SDHD: variants seen among roughly 807,000 people sequenced by gnomAD.
The protein encoded by SDHD is succinate dehydrogenase [ubiquinone] cytochrome b small subunit, mitochondrial.
Under a neutral mutation model 18.7 loss-of-function variants are expected in SDHD, and 6 were observed. The observed-to-expected ratio is 0.32, with a 90% CI of 0.18 to 0.63. The LOEUF is 0.63. Ranked by LOEUF, SDHD falls within the 30% of genes least tolerant of loss-of-function variation. The pLI is 0.79. For synonymous variants in SDHD, 56 were observed against 73.9 expected (o/e 0.76, Z 1.24); for missense variants, 160 against 192.7 (o/e 0.83, Z 1.00).
chr11:112,095,272 A>G lies in SDHD; in HGVS notation c.*302A>G, dbSNP rs201163059. On this transcript the variant is annotated 3_prime_UTR_variant, in exon 4 of 4. Coordinates refer to ENST00000375549, the MANE Select transcript of SDHD (RefSeq NM_003002.4). ...TCAGCTTTTGCCTTTCAATTTATCA[A>G]TCTCTTAAAGAGAATCCAACTTTAT... 1.5e-4 allele frequency: 66 copies of G among 438,014 alleles called. No individual in the cohort carries two copies. The East Asian group carries it at 2.5e-3, about 17-fold the overall frequency. 27.1% of individuals were successfully genotyped at this position (438,014 alleles called of 1,614,324 possible).
rs992322574 is a variant in SDHD, at chr11:112,095,642, A to C, written c.*672A>C. 8.8e-6 allele frequency: 2 copies of C among 226,268 alleles called. No individual in the cohort carries two copies. 14.0% of individuals were successfully genotyped at this position (226,268 alleles called of 1,614,324 possible). A position where few individuals can be genotyped will look rare whatever the true frequency, so the allele number is the denominator to read the frequency against. On this transcript the variant is annotated 3_prime_UTR_variant, in exon 4 of 4. Transcript: ENST00000375549. ...GAGATTTAATTCCCAAATGTATTCT[A>C]CTTGTTCTAAAACAATCTGTCCACA...
chr11:112,088,433 C>T (rs979136435), intron 2 of SDHD: 9 of 337,682 alleles, frequency 2.7e-5, no homozygotes, highest in Admixed American at 8.7e-5. Context: ...TCCTGACCTC[C>T]TCAAACTCCT....
intron 3 of SDHD, among the ~76,000 whole-genome samples, chr11:112,094,267 G>A (rs1324623607): frequency 6.6e-6 from 1 of 151,980 alleles, no homozygotes; most frequent in Non-Finnish European, 1.5e-5. Context: ...GTGTGGTGGT[G>A]GGCGCCTGTA....
In SDHD at chr11:112,095,397, CAG is replaced by C. The variant is rs1566703990; in HGVS notation, c.*428_*429del. 2 of 294,986 alleles carry C rather than the reference CAG, an allele frequency of 6.8e-6. No individual in the cohort carries two copies. Among genetic ancestry groups the C allele is most frequent in the African/African-American group, 2.1e-5 (1 of 46,948 alleles). The allele number at this position is 294,986 out of a possible 1,614,324, so 18.3% of individuals were successfully genotyped here. ...AATAAAAACTTTGCAGAAAATTAGA[CAG>C]TGTTTAATTTTCGAAAACTTCCCTC... On this transcript the variant is annotated 3_prime_UTR_variant, in exon 4 of 4. Transcript: ENST00000375549.
At chr11:112,092,202 G>T (rs1204117483) in intron 3 of SDHD, among the ~76,000 whole-genome samples, 14 of 151,532 alleles carry the variant, frequency 9.2e-5, no homozygotes, top group Admixed American at 7.9e-4. Context: ...ATGTATACCT[G>T]TGTAACAAAC....
In SDHD at chr11:112,095,276, C is replaced by A. The variant is rs1160008891; in HGVS notation, c.*306C>A. 4.7e-6 allele frequency: 2 copies of A among 423,126 alleles called. No individual in the cohort carries two copies. The highest frequency in any genetic ancestry group is 2.0e-5 in the African/African-American group (1 of 50,948). 26.2% of individuals were successfully genotyped at this position (423,126 alleles called of 1,614,324 possible). On this transcript the variant is annotated 3_prime_UTR_variant, in exon 4 of 4. Coordinates refer to ENST00000375549, the MANE Select transcript of SDHD (RefSeq NM_003002.4). ...CTTTTGCCTTTCAATTTATCAATCTCTTAAAGAGAATCCAACTTTATTACG... is the reference window on the plus strand; with the variant it reads ...CTTTTGCCTTTCAATTTATCAATCTATTAAAGAGAATCCAACTTTATTACG...
At chr11:112,087,147 A>G (rs1865627057) in intron 1 of SDHD, among the ~76,000 whole-genome samples, 188 bp downstream of exon 1, 1 of 152,176 alleles carries the variant, frequency 6.6e-6, no homozygotes, top group Admixed American at 6.5e-5. Flanking sequence ...CTGTGAGCTG[A>G]CGAGTTGAGG....
intron 3 of SDHD, among the ~76,000 whole-genome samples, chr11:112,092,187 G>A (rs1020273884): frequency 1.3e-5 from 2 of 151,894 alleles, no homozygotes; most frequent in African/African-American, 4.8e-5. Flanking sequence ...AAACCACCAT[G>A]GCACATGTAT....
chr11:112,089,068 T>A, intron 3 of SDHD, 57 bp downstream of exon 3: 2 of 1,590,884 alleles, frequency 1.3e-6, no homozygotes, highest in Non-Finnish European at 1.7e-6. Flanking sequence ...TGTGAGCTTG[T>A]CTTATGTATT....
intron 3 of SDHD, 26 bp from the exon 4 acceptor site, chr11:112,094,779 T>TG: frequency 1.9e-6 from 3 of 1,602,062 alleles, no homozygotes; most frequent in Non-Finnish European, 2.6e-6. Flanking sequence ...TTTTTATTGA[T>TG]GTTATGATTT....
intron 3 of SDHD, among the ~76,000 whole-genome samples, chr11:112,090,647 G>C (rs1865727256): frequency 6.6e-6 from 1 of 152,096 alleles, no homozygotes; most frequent in Non-Finnish European, 1.5e-5. Flanking sequence ...CTAAGACCCA[G>C]GGAGGTTAAG....
chr11:112,088,857 C>A lies in SDHD; in HGVS notation c.170-10C>A, dbSNP rs952278127. 3 of 1,611,860 alleles carry A rather than the reference C, an allele frequency of 1.9e-6. No individual in the cohort carries two copies. The African/African-American group carries it at 4.0e-5, about 22-fold the overall frequency. ...CACATCAACTTTTATGAATCTGGTC[C>A]TTTTTGTAGCTGGCTCCAAGGCTGC... On this transcript the variant is annotated splice_polypyrimidine_tract_variant and intron_variant, in intron 2 of 3. Transcript: ENST00000375549.
chr11:112,087,613 A>T (rs1865643455), intron 1 of SDHD, among the ~76,000 whole-genome samples: 1 of 152,208 alleles, frequency 6.6e-6, no homozygotes, highest in East Asian at 1.9e-4. Context: ...GTCTCTCATG[A>T]TTTCCAGATT....
Position 112,088,937 on chromosome 11 carries a change from TC to T in SDHD, c.242del (p.Pro81ArgfsTer5), listed in dbSNP as rs878854591. The T allele has an allele frequency of 6.2e-7, 1 of 1,613,624 alleles. No individual in the cohort carries two copies. Among genetic ancestry groups the T allele is most frequent in the East Asian group, 2.2e-5 (1 of 44,892 alleles). On this transcript the variant is annotated frameshift_variant, in exon 3 of 4. Transcript: ENST00000375549. LOFTEE classifies it high-confidence loss of function. ...VVSVLLLGLLPAAYLNPCSAM... is the reference protein window; with the variant it reads ...VVSVLLLGLLXAAYLNPCSAM... ...TCAGTGTTTTGCTCCTGGGTCTGCT[TC>T]CGGCTGCTTATTTGAATCCTTGCTC...
intron 2 of SDHD, 117 bp from the exon 3 acceptor site, chr11:112,088,750 C>CA: frequency 9.0e-7 from 1 of 1,115,378 alleles, no homozygotes; most frequent in Non-Finnish European, 1.4e-6. Flanking sequence ...CCTTTGTACT[C>CA]AGAGTTATAT....
At position 112,092,805 on chromosome 11, in the gene SDHD, A is replaced by C. The variant is rs1037496751; in HGVS notation, c.315-2000A>C. ...GAACTGAAAACGTGTCCACGCAAAA[A>C]ACTTGTACAGGAATGATCATAGCAG... is the stretch of plus-strand genomic sequence containing the variant. On this transcript the variant is annotated intron_variant, in intron 3 of 3. Transcript: ENST00000375549. Among the ~76,000 whole-genome samples the C allele has an allele frequency of 2.0e-5, 3 of 152,188 alleles. No individual in the cohort carries two copies. In the South Asian group the frequency reaches 6.2e-4, roughly 32 times the overall value.
intron 3 of SDHD, among the ~76,000 whole-genome samples, chr11:112,090,798 C>G (rs541433622): frequency 3.6e-4 from 54 of 151,532 alleles, no homozygotes; most frequent in South Asian, 8.3e-4. Flanking sequence ...TGGGTTCAAG[C>G]AATTCTCATG....
At chr11:112,087,605 C>T (rs1409247745) in intron 1 of SDHD, among the ~76,000 whole-genome samples, 2 of 152,174 alleles carry the variant, frequency 1.3e-5, no homozygotes, top group Non-Finnish European at 2.9e-5. Context: ...GGGGAAAAGT[C>T]TCTCATGATT....
intron 3 of SDHD, among the ~76,000 whole-genome samples, chr11:112,093,724 C>T (rs770522837): frequency 6.6e-5 from 10 of 152,104 alleles, no homozygotes; most frequent in Non-Finnish European, 1.0e-4. Flanking sequence ...CCTATGCAAC[C>T]GACCCCTGCC....
Sources: gnomAD v4.1 joint callset for allele counts (sites outside exome capture counted in the v4.1 genomes callset) on GRCh38, gnomAD v4.1.1 for gene constraint, MANE v1.5 for transcripts, NCBI Gene and HGNC (gene_info 2026-07-23, HGNC 2026-07-21) for gene names.